The following MACROH2A2 variants were observed in gnomAD, a reference collection of about 807,000 sequenced individuals.
MACROH2A2 encodes macroH2A.2 histone.
In MACROH2A2, 6 loss-of-function variants were observed where a neutral mutation model predicts 37.6. That is an observed-to-expected ratio of 0.16 (90% CI 0.09 to 0.32). The LOEUF (loss-of-function observed/expected upper bound fraction) is 0.32. Among genes scored for constraint, MACROH2A2 ranks in the 10% least tolerant of loss-of-function variants. The pLI, the probability that MACROH2A2 is intolerant of heterozygous loss-of-function variation, is 1.00. For missense variants in MACROH2A2, 290 were observed against 485.9 expected (o/e 0.60, Z 3.79); for synonymous variants, 192 against 202.7 (o/e 0.95, Z 0.45).
chr10:70,111,695 T>C lies in MACROH2A2; in HGVS notation c.*12T>C, dbSNP rs763412989. ...TCGACGCCAAGTAGCCGCCGCACTT[T>C]CCAGCAGGGATCGGAGGACGACCCG... On this transcript the variant is annotated 3_prime_UTR_variant, in exon 9 of 9. Coordinates refer to ENST00000373255, the MANE Select transcript of MACROH2A2 (RefSeq NM_018649.3). The C allele has an allele frequency of 1.9e-6, 3 of 1,585,642 alleles. No homozygotes were observed. Among genetic ancestry groups the C allele is most frequent in the South Asian group, 1.1e-5 (1 of 88,436 alleles).
In MACROH2A2 at chr10:70,075,882, C is replaced by T; in HGVS notation, c.172+52C>T. ...CCTGCTCCCAGGTCCCCACCCTCCC[C>T]TGGGTCCCCCTCGCAGGCTGGGGAG... On this transcript the variant is annotated intron_variant, in intron 2 of 8. Transcript: ENST00000373255. This position sits in a 1 kb window ranked among gnomAD's most constrained non-coding sequence, Gnocchi z 5.0. The T allele has an allele frequency of 6.7e-7, 1 of 1,488,738 alleles. No individual in the cohort carries two copies. Among genetic ancestry groups the T allele is most frequent in the East Asian group, 2.3e-5 (1 of 43,044 alleles). The allele number at this position is 1,488,738 out of a possible 1,614,324, so 92.2% of individuals were successfully genotyped here.
Position 70,065,296 on chromosome 10 carries a change from C to T in MACROH2A2, c.-59-10304C>T, listed in dbSNP as rs757814985. 9.9e-5 allele frequency among the ~76,000 whole-genome samples: 15 copies of T among 152,168 alleles called. No homozygotes were observed. In the South Asian group the frequency reaches 2.9e-3, roughly 29 times the overall value. Reference sequence around the variant, plus strand: ...TTCACCATGTTGGCCAGGCTGGTCTCGAACTCCTGACCTTAAGTGATCTGC... The same window carrying T: ...TTCACCATGTTGGCCAGGCTGGTCTTGAACTCCTGACCTTAAGTGATCTGC... On this transcript the variant is annotated intron_variant, in intron 1 of 8. Transcript: ENST00000373255.
intron 7 of MACROH2A2, among the ~76,000 whole-genome samples, chr10:70,105,636 G>A (rs2072333064): frequency 6.6e-6 from 1 of 152,094 alleles, no homozygotes; most frequent in Non-Finnish European, 1.5e-5. Flanking sequence ...GAGTTTAAAT[G>A]TGGAGTTTAA....
chr10:70,062,070 A>G (rs1294042858), intron 1 of MACROH2A2, among the ~76,000 whole-genome samples: 1 of 152,200 alleles, frequency 6.6e-6, no homozygotes, highest in Non-Finnish European at 1.5e-5. Flanking sequence ...CTAACAAACT[A>G]TTATTATTTT....
chr10:70,100,082 T>C (rs2072297896), intron 6 of MACROH2A2, 126 bp from the exon 7 acceptor site: 1 of 577,250 alleles, frequency 1.7e-6, no homozygotes, highest in Admixed American at 3.0e-5. Flanking sequence ...AGGATAACAA[T>C]TGGGAAGTTC....
At chr10:70,086,889 C>T (rs1589836497) in intron 2 of MACROH2A2, among the ~76,000 whole-genome samples, 3 of 152,168 alleles carry the variant, frequency 2.0e-5, no homozygotes, top group African/African-American at 7.2e-5. Flanking sequence ...CATTTTAACC[C>T]AGAGCCATAA....
chr10:70,111,752 GGA>G lies in MACROH2A2; in HGVS notation c.*75_*76del. ...AAGAGTGGGGTTTTGCTTTTTAAAAGGAGAGAGGAGGGGTGATGGCAGGGGAG... is the reference window on the plus strand; with the variant it reads ...AAGAGTGGGGTTTTGCTTTTTAAAAGGAGAGGAGGGGTGATGGCAGGGGAG... On this transcript the variant is annotated 3_prime_UTR_variant, in exon 9 of 9. Transcript: ENST00000373255. 1 of 1,364,150 alleles carries G rather than the reference GGA, an allele frequency of 7.3e-7. No individual in the cohort carries two copies. Among genetic ancestry groups the G allele is most frequent in the Non-Finnish European group, 9.8e-7 (1 of 1,019,464 alleles). The allele number at this position is 1,364,150 out of a possible 1,614,324, so 84.5% of individuals were successfully genotyped here. A position where few individuals can be genotyped will look rare whatever the true frequency, so the allele number is the denominator to read the frequency against.
chr10:70,100,250 C>T lies in MACROH2A2; in HGVS notation c.731C>T (p.Thr244Met), dbSNP rs781767062. 15 of 1,611,620 alleles carry T rather than the reference C, an allele frequency of 9.3e-6. No individual in the cohort carries two copies. Among genetic ancestry groups the T allele is most frequent in the East Asian group, 2.2e-5 (1 of 44,884 alleles). ...EKAGGKEFLETVKELRKSQGP... is the reference protein window; with the variant it reads ...EKAGGKEFLEMVKELRKSQGP... ...GCTGGGGGAAAAGAGTTCTTGGAAA[C>T]GGTAAAGGAGCTTCGCAAATCCCAA... is the stretch of plus-strand genomic sequence containing the variant. Residue 244 changes from threonine to methionine, a missense_variant, in exon 7 of 9, where the codon ACG (threonine) becomes ATG (methionine). Thr to Met is a moderately conservative substitution (Grantham distance 81). Transcript: ENST00000373255.
intron 2 of MACROH2A2, among the ~76,000 whole-genome samples, chr10:70,079,565 G>GCGCGCGCACA (rs1386558755): frequency 7.9e-5 from 10 of 126,216 alleles, no homozygotes; most frequent in African/African-American, 2.3e-4. Flanking sequence ...GCGCGCGCGC[G>GCGCGCGCACA]CACACACACA....
At chr10:70,106,642 C>CA (rs1414055477) in intron 7 of MACROH2A2, among the ~76,000 whole-genome samples, 4 of 151,580 alleles carry the variant, frequency 2.6e-5, no homozygotes, top group African/African-American at 9.7e-5. Context: ...ACTAAAAATA[C>CA]AAAAAATTAG....
intron 1 of MACROH2A2, among the ~76,000 whole-genome samples, chr10:70,058,935 C>T (rs1474095226): frequency 7.1e-6 from 1 of 141,376 alleles, no homozygotes. Context: ...CACGACTAAA[C>T]TGAATTTTCA....
At chr10:70,076,272 G>T (rs2072138993) in intron 2 of MACROH2A2, among the ~76,000 whole-genome samples, 1 of 152,142 alleles carries the variant, frequency 6.6e-6, no homozygotes, top group African/African-American at 2.4e-5. Flanking sequence ...GGGACTCAGG[G>T]TCCATAAATA....
At chr10:70,056,145 A>T (rs1196783280) in intron 1 of MACROH2A2, among the ~76,000 whole-genome samples, 4 of 152,268 alleles carry the variant, frequency 2.6e-5, no homozygotes, top group Admixed American at 6.5e-5. Flanking sequence ...ACTAAGAGAG[A>T]CAAGAACTAG....
chr10:70,076,461 G>A (rs969247003), intron 2 of MACROH2A2, among the ~76,000 whole-genome samples: 12 of 152,148 alleles, frequency 7.9e-5, no homozygotes, highest in Admixed American at 7.9e-4. Context: ...TGCTGTGTGT[G>A]TTCTTTATCT....
chr10:70,055,012 T>A (rs1297731970), intron 1 of MACROH2A2, among the ~76,000 whole-genome samples: 5 of 152,204 alleles, frequency 3.3e-5, no homozygotes, highest in Non-Finnish European at 7.3e-5. Flanking sequence ...ATCCGGAGTG[T>A]CCCTGTGATT....
Position 70,090,181 on chromosome 10 carries a change from T to G in MACROH2A2, c.279+15T>G. 6.5e-7 allele frequency: 1 copy of G among 1,545,850 alleles called. No homozygotes were observed. The highest frequency in any genetic ancestry group is 8.9e-7 in the Non-Finnish European group (1 of 1,117,886). On this transcript the variant is annotated intron_variant, in intron 3 of 8. Coordinates refer to ENST00000373255, the MANE Select transcript of MACROH2A2 (RefSeq NM_018649.3). Reference sequence around the variant, plus strand: ...AGCTCAACCAGGTATGTCTGAAGCCTTGAGGGAAGCCGTAGAATGGGTTTG... The same window carrying G: ...AGCTCAACCAGGTATGTCTGAAGCCGTGAGGGAAGCCGTAGAATGGGTTTG...
intron 1 of MACROH2A2, among the ~76,000 whole-genome samples, chr10:70,069,562 G>A (rs1310502024): frequency 6.6e-6 from 1 of 152,004 alleles, no homozygotes; most frequent in African/African-American, 2.4e-5. Flanking sequence ...TTGCCCACAT[G>A]GTGTCTCTGA....
At chr10:70,076,217 A>G (rs913589193) in intron 2 of MACROH2A2, among the ~76,000 whole-genome samples, 2 of 152,252 alleles carry the variant, frequency 1.3e-5, no homozygotes, top group African/African-American at 4.8e-5. Flanking sequence ...GTCTTTTTAC[A>G]TCAAATTGCT....
rs574755723 is a variant in MACROH2A2, at chr10:70,093,641, T to G, written c.478-94T>G. 11 of 674,300 alleles carry G rather than the reference T, an allele frequency of 1.6e-5. No homozygotes were observed. The African/African-American group carries it at 2.0e-4, about 12-fold the overall frequency. 41.8% of individuals were successfully genotyped at this position (674,300 alleles called of 1,614,324 possible). ...ATCACCTAACCACTTCCTTTCATAT[T>G]CAACTTGGTGGCAGCCGTGAGAAGA... On this transcript the variant is annotated intron_variant, in intron 4 of 8. Transcript: ENST00000373255.
Sources: gnomAD v4.1 joint callset for allele counts (sites outside exome capture counted in the v4.1 genomes callset) on GRCh38, gnomAD v4.1.1 for gene constraint, Gnocchi (gnomAD v3.1) non-coding constraint, MANE v1.5 for transcripts, NCBI Gene and HGNC (gene_info 2026-07-23, HGNC 2026-07-21) for gene names.